Variants in KLHL25 observed in about 807,000 individuals in gnomAD.
The protein encoded by KLHL25 is kelch-like protein 25.
In KLHL25, 41 loss-of-function variants were observed where a neutral mutation model predicts 30.0. The ratio of observed to expected loss-of-function variants is 1.37; its 90% CI spans 1.07 to 1.78. The LOEUF is 1.78. Among genes scored for constraint, KLHL25 ranks in the 40% most tolerant of loss-of-function variants. KLHL25 has a pLI of 0.00. For missense variants in KLHL25, 971 were observed against 824.5 expected (o/e 1.18, Z -2.18); for synonymous variants, 399 against 355.3 (o/e 1.12, Z -1.38).
chr15:85,766,726 T>C (rs550587447), intron 2 of KLHL25, among the ~76,000 whole-genome samples: 2 of 152,326 alleles, frequency 1.3e-5, no homozygotes, highest in East Asian at 3.9e-4. Context: ...ACAATGACAG[T>C]GTGGCAGCAA....
intron 1 of KLHL25, among the ~76,000 whole-genome samples, chr15:85,791,643 C>G (rs573020241): frequency 1.3e-5 from 2 of 151,776 alleles, no homozygotes; most frequent in Admixed American, 6.6e-5. Context: ...TGACTGGGGA[C>G]TCAGGGGAGG....
intron 1 of KLHL25, among the ~76,000 whole-genome samples, chr15:85,780,172 GAGCTGGGAGTCATCTGCAAGCCC>G (rs2089734393): frequency 1.3e-5 from 2 of 152,184 alleles, no homozygotes; most frequent in African/African-American, 4.8e-5. Context: ...CTGGACCCCA[GAGCTGGGAGTCATCTGCAAGCCC>G]AGCTGCTGCA....
intron 1 of KLHL25, among the ~76,000 whole-genome samples, chr15:85,787,614 T>C (rs1339455831): frequency 1.3e-5 from 2 of 152,178 alleles, no homozygotes; most frequent in African/African-American, 2.4e-5. Flanking sequence ...CAAGATTTCA[T>C]TGATCATACA....
rs909148165 is a variant in KLHL25, at chr15:85,769,680, A to G, written c.131T>C (p.Met44Thr). 1.9e-5 allele frequency: 31 copies of G among 1,613,806 alleles called. No individual in the cohort carries two copies. The highest frequency in any genetic ancestry group is 2.5e-5 in the Non-Finnish European group (30 of 1,180,036). The change falls in exon 2 of 3, where the codon ATG becomes ACG. Residue 44 changes from methionine to threonine, a missense_variant. Transcript: ENST00000337975. Reference sequence around the variant, plus strand: ...CGCCCAGAGTGTGACGTCGGTGAACATGCAGTGCTTGCGAAGCGTGTTGAG... The same window carrying G: ...CGCCCAGAGTGTGACGTCGGTGAACGTGCAGTGCTTGCGAAGCGTGTTGAG... ...AHLNTLRKHC[M>T]FTDVTLWAGD...
chr15:85,778,383 T>C (rs917642249), intron 1 of KLHL25, among the ~76,000 whole-genome samples: 2 of 152,108 alleles, frequency 1.3e-5, no homozygotes, highest in African/African-American at 2.4e-5. Flanking sequence ...GATAAGAAAA[T>C]AGAAGCTTGC....
At chr15:85,791,198 AAAAAAAAAAG>A (rs1186371015) in intron 1 of KLHL25, among the ~76,000 whole-genome samples, 2 of 150,300 alleles carry the variant, frequency 1.3e-5, no homozygotes, top group Admixed American at 1.3e-4. Context: ...CAGTCTCAAA[AAAAAAAAAAG>A]AAAAATGCCA....
At position 85,784,902 on chromosome 15, in the gene KLHL25, T is replaced by C. The variant is rs2089770469; in HGVS notation, c.-11+9864A>G. 3.3e-5 allele frequency among the ~76,000 whole-genome samples: 5 copies of C among 152,272 alleles called. No individual in the cohort carries two copies. The South Asian group carries it at 1.0e-3, about 32-fold the overall frequency. The stretch of plus-strand genomic sequence containing the variant: ...AATCAATAGGAACTGATTAAGCCAC[T>C]AAGCCTGTGATGATGTGTTATGCTG... On this transcript the variant is annotated intron_variant, in intron 1 of 2. Transcript: ENST00000337975.
rs1264960452 is a variant in KLHL25, at chr15:85,793,687, T to C, written c.-11+1079A>G. On this transcript the variant is annotated intron_variant, in intron 1 of 2. Coordinates refer to ENST00000337975, the MANE Select transcript of KLHL25 (RefSeq NM_022480.4). ...GGAATCCTGCCTCCTCTCCTGGTGC[T>C]ACTGCTAACTTCCTTCCCTTCCTCT... Among the ~76,000 whole-genome samples, 3 of 152,300 alleles carry C rather than the reference T, an allele frequency of 2.0e-5. No homozygotes were observed. The East Asian group carries it at 5.8e-4, about 29-fold the overall frequency.
intron 1 of KLHL25, among the ~76,000 whole-genome samples, chr15:85,771,700 C>T (rs1416751049): frequency 6.6e-6 from 1 of 152,240 alleles, no homozygotes; most frequent in Non-Finnish European, 1.5e-5. Context: ...GTCCACAGGG[C>T]TCCGAGGCTA....
At position 85,789,578 on chromosome 15, in the gene KLHL25, C is replaced by G. The variant is rs2089802883; in HGVS notation, c.-11+5188G>C. ...TGAAGATCTCCCTTGCTCCTCAAAG[C>G]TCGTTGTCCAACTCTCTGCTGGGAG... On this transcript the variant is annotated intron_variant, in intron 1 of 2. Coordinates refer to ENST00000337975, the MANE Select transcript of KLHL25 (RefSeq NM_022480.4). The surrounding 1 kb of genome is among the most constrained non-coding windows in gnomAD (Gnocchi z 4.1). 6.6e-6 allele frequency among the ~76,000 whole-genome samples: 1 copy of G among 152,148 alleles called. No homozygotes were observed. Among genetic ancestry groups the G allele is most frequent in the Non-Finnish European group, 1.5e-5 (1 of 68,028 alleles).
At chr15:85,767,333 A>G (rs1253499957) in intron 2 of KLHL25, among the ~76,000 whole-genome samples, 4 of 151,884 alleles carry the variant, frequency 2.6e-5, no homozygotes, top group African/African-American at 4.8e-5. Flanking sequence ...AATTGGGCTC[A>G]AGCCATCTGC....
Position 85,780,031 on chromosome 15 carries a change from C to T in KLHL25, c.-10-10211G>A, listed in dbSNP as rs186644586. 4.6e-5 allele frequency among the ~76,000 whole-genome samples: 7 copies of T among 152,328 alleles called. No individual in the cohort carries two copies. In the South Asian group the frequency reaches 8.3e-4, roughly 18 times the overall value. On this transcript the variant is annotated intron_variant, in intron 1 of 2. Coordinates refer to ENST00000337975, the MANE Select transcript of KLHL25 (RefSeq NM_022480.4). ...AAGCCACACTTAAACCACCCTGCAA[C>T]GAAGAGGCTTCTTTCAGCTCAAGGA...
At chr15:85,793,990 G>C (rs566954636) in intron 1 of KLHL25, among the ~76,000 whole-genome samples, 79 of 152,336 alleles carry the variant, frequency 5.2e-4, no homozygotes, top group Non-Finnish European at 8.1e-4. Context: ...AAAGTATCTG[G>C]TATCTCCCGG....
At chr15:85,775,933 G>A (rs1457858891) in intron 1 of KLHL25, among the ~76,000 whole-genome samples, 1 of 151,638 alleles carries the variant, frequency 6.6e-6, no homozygotes, top group African/African-American at 2.4e-5. Context: ...CAGCACTTTG[G>A]GAGGCTGAGG....
At chr15:85,777,256 C>G (rs965235871) in intron 1 of KLHL25, among the ~76,000 whole-genome samples, 1 of 152,244 alleles carries the variant, frequency 6.6e-6, no homozygotes, top group Admixed American at 6.5e-5. Flanking sequence ...CCAGCCAATG[C>G]TCACCCCAAT....
At chr15:85,773,692 T>C (rs2089692100) in intron 1 of KLHL25, among the ~76,000 whole-genome samples, 2 of 152,178 alleles carry the variant, frequency 1.3e-5, no homozygotes, top group Non-Finnish European at 2.9e-5. Context: ...AGATGTTCAC[T>C]GGAACTTTGA....
chr15:85,783,723 T>C (rs2089760353), intron 1 of KLHL25, among the ~76,000 whole-genome samples: 1 of 150,528 alleles, frequency 6.6e-6, no homozygotes, highest in Non-Finnish European at 1.5e-5. Context: ...GAATTTTAAA[T>C]GCTAGATGGG....
rs776554199 is a variant in KLHL25 at position 85,768,620 on chromosome 15, T to C, written c.1191A>G (p.Thr397=). The change falls in exon 2 of 3, where the codon ACA becomes ACG. Residue 397 remains threonine, a synonymous_variant. Coordinates refer to ENST00000337975, the MANE Select transcript of KLHL25 (RefSeq NM_022480.4). The part of the protein sequence containing the change: ...ENCLYVVGGH[T]SLAGVFPASP... ...AGGCCGGGAAGACCCCTGCCAGGGA[T>C]GTGTGTCCCCCCACCACATAGAGGC... 4 of 1,611,960 alleles carry C rather than the reference T, an allele frequency of 2.5e-6. No individual in the cohort carries two copies. The South Asian group carries it at 3.3e-5, about 13-fold the overall frequency.
chr15:85,783,799 C>T (rs567614363), intron 1 of KLHL25, among the ~76,000 whole-genome samples: 2 of 152,196 alleles, frequency 1.3e-5, no homozygotes, highest in South Asian at 2.1e-4. Flanking sequence ...ATTGCAGATA[C>T]CGACCTTGGG....
Sources: allele counts gnomAD v4.1 joint callset (sites outside exome capture counted in the v4.1 genomes callset), GRCh38; gene constraint gnomAD v4.1.1; non-coding constraint Gnocchi (gnomAD v3.1); transcripts MANE v1.5; gene names NCBI Gene and HGNC (gene_info 2026-07-23, HGNC 2026-07-21).